Variants in BABAM2 observed in about 807,000 individuals in gnomAD.
The protein encoded by BABAM2 is BRISC and BRCA1 A complex member 2.
In BABAM2, 31 loss-of-function variants were observed where a neutral mutation model predicts 54.7. The ratio of observed to expected loss-of-function variants is 0.57; its 90% CI spans 0.43 to 0.77. BABAM2 has a LOEUF of 0.77. Among genes scored for constraint, BABAM2 ranks in the 30% least tolerant of loss-of-function variants. The pLI is 0.00. For synonymous variants in BABAM2, 167 were observed against 162.9 expected (o/e 1.03, Z -0.19); for missense variants, 364 against 455.8 (o/e 0.80, Z 1.83).
Position 28,237,283 on chromosome 2 carries a change from C to G in BABAM2, c.762C>G (p.Cys254Trp). 6.2e-7 allele frequency: 1 copy of G among 1,613,340 alleles called. No individual in the cohort carries two copies. Among genetic ancestry groups the G allele is most frequent in the Non-Finnish European group, 8.5e-7 (1 of 1,179,430 alleles). ...TCATTGATTACGTTCCTCAAGTATG[C>G]CACCTGCTCACCAACAAGGTAAAAG... ...GCLIDYVPQV[C>W]HLLTNKVQYV... is the part of the protein sequence containing the mutation. Residue 254 changes from cysteine (C) to tryptophan (W), a missense_variant, in exon 8 of 12, where the codon TGC becomes TGG. Physicochemically the swap from Cys to Trp is radical, Grantham distance 215 (BLOSUM62 -2). Transcript: ENST00000379624.
intron 3 of BABAM2, among the ~76,000 whole-genome samples, 162 bp from the exon 4 acceptor site, chr2:27,987,831 A>T (rs1284128984): frequency 2.6e-5 from 4 of 151,944 alleles, no homozygotes; most frequent in Non-Finnish European, 5.9e-5. Context: ...AAAAAAAAAA[A>T]AGATATCAGT....
At position 27,926,457 on chromosome 2, in the gene BABAM2, A is replaced by C. The variant is rs546344353; in HGVS notation, c.129-3375A>C. 2.0e-5 allele frequency among the ~76,000 whole-genome samples: 3 copies of C among 152,332 alleles called. No individual in the cohort carries two copies. In the East Asian group the frequency reaches 5.8e-4, roughly 29 times the overall value. ...CTCTGCCTGGAATGCTCTTTCCCAG[A>C]ACTTGGCATGGTGGGCCCCTTTGTG... On this transcript the variant is annotated intron_variant, in intron 2 of 11. Coordinates refer to ENST00000379624, the MANE Select transcript of BABAM2 (RefSeq NM_199191.3).
At chr2:28,215,977 G>A (rs572697567) in intron 7 of BABAM2, among the ~76,000 whole-genome samples, 1 of 152,250 alleles carries the variant, frequency 6.6e-6, no homozygotes, top group East Asian at 1.9e-4. Context: ...CTCTCTCAGA[G>A]ACACCTGAAT....
chr2:28,135,263 T>TA (rs1670434096), intron 7 of BABAM2, among the ~76,000 whole-genome samples: 1 of 152,234 alleles, frequency 6.6e-6, no homozygotes, highest in South Asian at 2.1e-4. Flanking sequence ...ATGTATTTGT[T>TA]CAGTACTTTA....
At chr2:28,116,975 A>C (rs1322350497) in intron 6 of BABAM2, among the ~76,000 whole-genome samples, 1 of 152,234 alleles carries the variant, frequency 6.6e-6, no homozygotes, top group Non-Finnish European at 1.5e-5. Flanking sequence ...TTCAAATGGC[A>C]TACTCCTATG....
chr2:27,890,257 C>T (rs760727351), upstream of BABAM2: 1 of 1,613,554 alleles, frequency 6.2e-7, no homozygotes, highest in Non-Finnish European at 8.5e-7. This position sits in a 1 kb window ranked among gnomAD's most constrained non-coding sequence, Gnocchi z 4.8. Flanking sequence ...CCGGACTAAC[C>T]TGACCAGGTC....
At chr2:28,029,879 A>G (rs1010767726) in intron 5 of BABAM2, among the ~76,000 whole-genome samples, 4 of 152,244 alleles carry the variant, frequency 2.6e-5, no homozygotes, top group Non-Finnish European at 5.9e-5. Context: ...TATATGGCTC[A>G]TAAGGAAAAC....
At chr2:27,932,764 CTT>C (rs1668188584) in intron 3 of BABAM2, among the ~76,000 whole-genome samples, 1 of 152,160 alleles carries the variant, frequency 6.6e-6, no homozygotes, top group Admixed American at 6.6e-5. Flanking sequence ...TAACTAGAAA[CTT>C]TTATGGGTTT....
chr2:27,925,858 C>T (rs1287495221), intron 2 of BABAM2, among the ~76,000 whole-genome samples: 1 of 152,172 alleles, frequency 6.6e-6, no homozygotes, highest in Non-Finnish European at 1.5e-5. Flanking sequence ...ACACTCTGCT[C>T]AACTCCCACA....
At chr2:28,103,573 T>G (rs1490049337) in intron 6 of BABAM2, among the ~76,000 whole-genome samples, 1 of 152,140 alleles carries the variant, frequency 6.6e-6, no homozygotes, top group African/African-American at 2.4e-5. Flanking sequence ...CCTCCCAAAG[T>G]GTTGGGATGA....
At chr2:28,100,475 A>AT (rs1394240799) in intron 6 of BABAM2, among the ~76,000 whole-genome samples, 1 of 151,436 alleles carries the variant, frequency 6.6e-6, no homozygotes, top group African/African-American at 2.4e-5. Context: ...AAAAAAAAAA[A>AT]AAAAAAAGAT....
chr2:28,332,013 A>G lies in BABAM2; in HGVS notation c.1089-6437A>G, dbSNP rs138709175. ...AAAGCAAGGAGATCATGTCTTTTGCAGGGACATGGATGGAGCTATAAGCCA... is the reference window on the plus strand; with the variant it reads ...AAAGCAAGGAGATCATGTCTTTTGCGGGGACATGGATGGAGCTATAAGCCA... On this transcript the variant is annotated intron_variant, in intron 11 of 11. Transcript: ENST00000379624. Among the ~76,000 whole-genome samples the G allele has an allele frequency of 1.1e-3, 167 of 152,354 alleles. 5 individuals are homozygous for G. In the East Asian group the frequency reaches 0.03, roughly 27 times the overall value.
rs1173961912 is a variant in BABAM2 at position 28,325,987 on chromosome 2, T to TTTGCTGTGGAGGCTGATGCCTGACC, written c.1089-12462_1089-12438dup. 6.6e-6 allele frequency among the ~76,000 whole-genome samples: 1 copy of TTTGCTGTGGAGGCTGATGCCTGACC among 152,200 alleles called. No homozygotes were observed. Among genetic ancestry groups the TTTGCTGTGGAGGCTGATGCCTGACC allele is most frequent in the African/African-American group, 2.4e-5 (1 of 41,452 alleles). On this transcript the variant is annotated intron_variant, in intron 11 of 11. Coordinates refer to ENST00000379624, the MANE Select transcript of BABAM2 (RefSeq NM_199191.3). This position sits in a 1 kb window ranked among gnomAD's most constrained non-coding sequence, Gnocchi z 4.3. ...AGGCCCTCCTTTGGGAGTCCTGCAC[T>TTTGCTGTGGAGGCTGATGCCTGACC]TTGCTGTGGAGGCTGATGCCTGACC...
At chr2:28,123,323 T>C (rs1669235512) in intron 6 of BABAM2, among the ~76,000 whole-genome samples, 3 of 152,302 alleles carry the variant, frequency 2.0e-5, no homozygotes, top group South Asian at 4.1e-4. Flanking sequence ...GTTATTGCTT[T>C]ACCGTACGTG....
At chr2:27,906,219 G>C (rs1050904157) in intron 2 of BABAM2, among the ~76,000 whole-genome samples, 2 of 152,110 alleles carry the variant, frequency 1.3e-5, no homozygotes, top group African/African-American at 2.4e-5. Flanking sequence ...GAAACTCAGT[G>C]AACAGTGCAT....
intron 5 of BABAM2, among the ~76,000 whole-genome samples, chr2:28,026,132 T>C (rs1309708402): frequency 6.6e-6 from 1 of 152,154 alleles, no homozygotes; most frequent in East Asian, 1.9e-4. Flanking sequence ...ACACTGTTGG[T>C]GGGAGTGTAA....
At chr2:28,013,403 T>G (rs566988035) in intron 4 of BABAM2, 1 of 455,826 alleles carries the variant, frequency 2.2e-6, no homozygotes, top group African/African-American at 2.0e-5. Context: ...AATGGCATTT[T>G]GAAAAGTTCA....
chr2:28,257,466 A>G (rs56383839), intron 10 of BABAM2, among the ~76,000 whole-genome samples: 13,078 of 152,208 alleles, frequency 0.086, 651 homozygotes, highest in Middle Eastern at 0.16. Context: ...AGATCCATCC[A>G]TGGTGTTGTG....
At chr2:28,046,152 G>A (rs1677546824) in intron 6 of BABAM2, among the ~76,000 whole-genome samples, 5 of 152,224 alleles carry the variant, frequency 3.3e-5, no homozygotes, top group Admixed American at 3.3e-4. Context: ...CCTAGCCACT[G>A]CCTTCGAGGT....
Sources: allele counts gnomAD v4.1 joint callset (sites outside exome capture counted in the v4.1 genomes callset), GRCh38; gene constraint gnomAD v4.1.1; non-coding constraint Gnocchi (gnomAD v3.1); transcripts MANE v1.5; gene names NCBI Gene and HGNC (gene_info 2026-07-23, HGNC 2026-07-21).